POGK: variants seen among roughly 807,000 people sequenced by gnomAD.
The protein encoded by POGK is pogo transposable element derived with KRAB domain, also known as pogo transposable element with KRAB domain.
In POGK, 16 loss-of-function variants were observed where a neutral mutation model predicts 54.4. That is an observed-to-expected ratio of 0.29 (90% CI 0.20 to 0.45). POGK has a LOEUF of 0.45. Among genes scored for constraint, POGK ranks in the 20% least tolerant of loss-of-function variants. The pLI, the probability that POGK is intolerant of heterozygous loss-of-function variation, is 1.00. For synonymous variants in POGK, 271 were observed against 302.2 expected, an observed-to-expected ratio of 0.90 and a Z score of 1.07; for missense variants, 515 against 795.6, an observed-to-expected ratio of 0.65 and a Z score of 4.24.
chr1:166,850,083 C>G lies in POGK; in HGVS notation c.1504C>G (p.Gln502Glu). 1 of 1,613,434 alleles carries G rather than the reference C, an allele frequency of 6.2e-7. No individual in the cohort carries two copies. Among genetic ancestry groups the G allele is most frequent in the Non-Finnish European group, 8.5e-7 (1 of 1,179,692 alleles). Residue 502 changes from glutamine (Q) to glutamate (E), a missense_variant, in exon 5 of 6, where the codon CAG (glutamine) becomes GAG (glutamate). This residue lies in a region of POGK where 461 missense variants were observed against 743.5 expected (regional missense o/e 0.62). Coordinates refer to ENST00000367876, the MANE Select transcript of POGK (RefSeq NM_017542.5). ...MVIIPGGLTS[Q>E]LQVLDVVVYK... ...GATCATCCCAGGGGGTCTGACCTCA[C>G]AGCTTCAGGTGCTGGATGTCGTGGT...
chr1:166,851,659 G>A (rs1329850732), intron 5 of POGK: 2 of 152,024 alleles, frequency 1.3e-5, no homozygotes, highest in African/African-American at 2.4e-5. Context: ...ACAGCAGGGG[G>A]GACACCCACA....
Position 166,841,078 on chromosome 1 carries a change from A to G in POGK, c.122A>G (p.Glu41Gly). 1 of 1,613,856 alleles carries G rather than the reference A, an allele frequency of 6.2e-7. No homozygotes were observed. Among genetic ancestry groups the G allele is most frequent in the Non-Finnish European group, 8.5e-7 (1 of 1,179,954 alleles). Residue 41 changes from glutamate to glycine, a missense_variant, in exon 2 of 6, where the codon GAG becomes GGG. This residue lies in a region of POGK where 54 missense variants were observed against 52.0 expected (regional missense o/e 1.04). Transcript: ENST00000367876. ...ATGCAGAAAGTACGAATCTGCTCTG[A>G]GGGCGGATGGGTAAGTAAGAAGGTG... Reference protein sequence around the residue: ...ADMQKVRICSEGGWVPALFDE... With the variant: ...ADMQKVRICSGGGWVPALFDE...
chr1:166,843,925 G>A (rs1657719934), intron 2 of POGK, among the ~76,000 whole-genome samples: 1 of 152,226 alleles, frequency 6.6e-6, no homozygotes, highest in Non-Finnish European at 1.5e-5. Context: ...TACACAGACT[G>A]CCTGACTTCT....
chr1:166,841,294 G>T (rs565174743), intron 2 of POGK, among the ~76,000 whole-genome samples: 10 of 152,334 alleles, frequency 6.6e-5, no homozygotes, highest in African/African-American at 1.7e-4. Flanking sequence ...CAGCCATGTA[G>T]CTTGTCATCG....
At chr1:166,846,332 G>A (rs930119613) in intron 2 of POGK, among the ~76,000 whole-genome samples, 4 of 152,198 alleles carry the variant, frequency 2.6e-5, no homozygotes, top group African/African-American at 9.7e-5. Flanking sequence ...TCCAACCGGT[G>A]ATCATGGTAG....
In POGK at chr1:166,852,733, A is replaced by T. The variant is rs1361517036; in HGVS notation, c.*163A>T. The T allele has an allele frequency of 1.3e-5, 2 of 152,270 alleles. No homozygotes were observed. Among genetic ancestry groups the T allele is most frequent in the Admixed American group, 6.5e-5 (1 of 15,280 alleles). The allele number at this position is 152,270 out of a possible 1,614,324, so 9.4% of individuals were successfully genotyped here. On this transcript the variant is annotated 3_prime_UTR_variant, in exon 6 of 6. Coordinates refer to ENST00000367876, the MANE Select transcript of POGK (RefSeq NM_017542.5). ...GGTCCAGACAGCAGCCTGTACATCC[A>T]TCCCAGGACACAGCCCAGCCCCTCC...
At chr1:166,846,798 C>T in intron 3 of POGK, 60 bp downstream of exon 3, 2 of 1,594,476 alleles carry the variant, frequency 1.3e-6, no homozygotes, top group Non-Finnish European at 1.7e-6. Flanking sequence ...TGTTTCCATG[C>T]CTCTCTTCTC....
At position 166,855,001 on chromosome 1, in the gene POGK, C is replaced by T. The variant is rs184717688; in HGVS notation, c.*2431C>T. The T allele has an allele frequency of 6.6e-6, 1 of 152,306 alleles. No homozygotes were observed. The highest frequency in any genetic ancestry group is 2.4e-5 in the African/African-American group (1 of 41,556). The allele number at this position is 152,306 out of a possible 1,614,324, so 9.4% of individuals were successfully genotyped here. ...CTCCCAGAGGCATTTTGGAATGAGT[C>T]AAAGGCATGGTAGGACACGGCATTT... On this transcript the variant is annotated 3_prime_UTR_variant, in exon 6 of 6. Coordinates refer to ENST00000367876, the MANE Select transcript of POGK (RefSeq NM_017542.5).
intron 2 of POGK, among the ~76,000 whole-genome samples, chr1:166,846,296 G>A (rs1190597189): frequency 3.3e-5 from 5 of 152,218 alleles, no homozygotes; most frequent in African/African-American, 7.2e-5. Flanking sequence ...TCACCACAGT[G>A]CATGAGGGTG....
In POGK at chr1:166,849,431, G is replaced by A. The variant is rs757086043; in HGVS notation, c.852G>A (p.Ala284=). Residue 284 remains alanine, a synonymous_variant, in exon 5 of 6, where the codon GCG becomes GCA. Coordinates refer to ENST00000367876, the MANE Select transcript of POGK (RefSeq NM_017542.5). ...AAGGGGACCCCATCACCCGGGAGGCGATGCAGCTGAAAGCTCTCGAAATCG... is the reference window on the plus strand; with the variant it reads ...AAGGGGACCCCATCACCCGGGAGGCAATGCAGCTGAAAGCTCTCGAAATCG... ...QAKGDPITRE[A]MQLKALEIAQ... The A allele has an allele frequency of 2.7e-5, 43 of 1,614,220 alleles. No homozygotes were observed. Among genetic ancestry groups the A allele is most frequent in the South Asian group, 8.8e-5 (8 of 91,086 alleles).
chr1:166,849,419 C>A lies in POGK; in HGVS notation c.840C>A (p.Ile280=), dbSNP rs753716451. The part of the protein sequence containing the change: ...VRYMQAKGDP[I]TREAMQLKAL... ...ACATGCAGGCCAAAGGGGACCCCAT[C>A]ACCCGGGAGGCGATGCAGCTGAAAG... The change falls in exon 5 of 6, where the codon ATC becomes ATA. Residue 280 remains isoleucine (I), a synonymous_variant. Transcript: ENST00000367876. The A allele has an allele frequency of 6.2e-7, 1 of 1,614,122 alleles. No individual in the cohort carries two copies. Among genetic ancestry groups the A allele is most frequent in the African/African-American group, 1.3e-5 (1 of 74,958 alleles).
At chr1:166,847,620 C>A in intron 4 of POGK, 28 bp downstream of exon 4, 1 of 1,555,418 alleles carries the variant, frequency 6.4e-7, no homozygotes, top group Non-Finnish European at 8.9e-7. Flanking sequence ...GTTCAGCGTC[C>A]ATCCAGCTGG....
chr1:166,840,873 A>G (rs1202626206), intron 1 of POGK, 82 bp from the exon 2 acceptor site: 1 of 1,558,228 alleles, frequency 6.4e-7, no homozygotes, highest in African/African-American at 1.4e-5. Flanking sequence ...AGAGGTTTGT[A>G]TGTGGCTCAG....
rs1658163403 is a variant in POGK at position 166,853,685 on chromosome 1, A to G, written c.*1115A>G. The G allele has an allele frequency of 7.9e-6, 1 of 127,318 alleles. No homozygotes were observed. The highest frequency in any genetic ancestry group is 7.6e-5 in the Admixed American group (1 of 13,158). The allele number at this position is 127,318 out of a possible 1,614,324, so 7.9% of individuals were successfully genotyped here. A position where few individuals can be genotyped will look rare whatever the true frequency, so the allele number is the denominator to read the frequency against. On this transcript the variant is annotated 3_prime_UTR_variant, in exon 6 of 6. Coordinates refer to ENST00000367876, the MANE Select transcript of POGK (RefSeq NM_017542.5). Reference sequence around the variant, plus strand: ...ATGCCAGGACCTCACAGACAAAGCCATTGCTAGAAATGTCATTCCAATGAT... The same window carrying G: ...ATGCCAGGACCTCACAGACAAAGCCGTTGCTAGAAATGTCATTCCAATGAT...
chr1:166,854,793 C>G lies in POGK; in HGVS notation c.*2223C>G, dbSNP rs1658219957. ...TTTAAATGAAAGTATGATGAACCCGCAAGTCTTAATTATGCACTTTTAATA... is the reference window on the plus strand; with the variant it reads ...TTTAAATGAAAGTATGATGAACCCGGAAGTCTTAATTATGCACTTTTAATA... On this transcript the variant is annotated 3_prime_UTR_variant, in exon 6 of 6. Coordinates refer to ENST00000367876, the MANE Select transcript of POGK (RefSeq NM_017542.5). 6.6e-6 allele frequency: 1 copy of G among 152,196 alleles called. No individual in the cohort carries two copies. The highest frequency in any genetic ancestry group is 6.5e-5 in the Admixed American group (1 of 15,286). 9.4% of individuals were successfully genotyped at this position (152,196 alleles called of 1,614,324 possible). A position where few individuals can be genotyped will look rare whatever the true frequency, so the allele number is the denominator to read the frequency against.
intron 5 of POGK, chr1:166,851,809 T>G (rs1434961514): frequency 6.6e-6 from 1 of 152,268 alleles, no homozygotes; most frequent in Non-Finnish European, 1.5e-5. Context: ...CTTCACACAT[T>G]CTTTTTCTTT....
chr1:166,840,634 A>T (rs1657460855), intron 1 of POGK, among the ~76,000 whole-genome samples: 1 of 152,148 alleles, frequency 6.6e-6, no homozygotes, highest in Admixed American at 6.5e-5. Context: ...TCACTGCTTA[A>T]AACCTTTTCC....
At chr1:166,839,660 C>A (rs1178066980) in intron 1 of POGK, 56 bp downstream of exon 1, 1 of 141,926 alleles carries the variant, frequency 7.0e-6, no homozygotes, top group Non-Finnish European at 1.5e-5. Flanking sequence ...GGGTCCCGGG[C>A]GGCTGGGCCG....
Position 166,849,973 on chromosome 1 carries a change from G to A in POGK, c.1394G>A (p.Arg465Gln), listed in dbSNP as rs776736387. 6 of 1,614,244 alleles carry A rather than the reference G, an allele frequency of 3.7e-6. No individual in the cohort carries two copies. The highest frequency in any genetic ancestry group is 5.1e-6 in the Non-Finnish European group (6 of 1,180,048). Reference sequence around the variant, plus strand: ...AGGACAGGAGCAGTGCCCAAGCAGCGAGGGATGCTGATCTTGAATGGCTTC... The same window carrying A: ...AGGACAGGAGCAGTGCCCAAGCAGCAAGGGATGCTGATCTTGAATGGCTTC... ...RRRTGAVPKQ[R>Q]GMLILNGFRG... is the part of the protein sequence containing the mutation. Residue 465 changes from arginine to glutamine, a missense_variant, in exon 5 of 6, where the codon CGA (arginine) becomes CAA (glutamine). Arg to Gln is a conservative substitution (Grantham distance 43). Around this residue, in one of 2 missense-constraint regions of POGK, gnomAD observed 461 missense variants for 743.5 expected, o/e 0.62. Coordinates refer to ENST00000367876, the MANE Select transcript of POGK (RefSeq NM_017542.5).
Sources: allele counts gnomAD v4.1 joint callset (sites outside exome capture counted in the v4.1 genomes callset), GRCh38; gene constraint gnomAD v4.1.1; regional missense constraint gnomAD v4.1.1; transcripts MANE v1.5; gene names NCBI Gene and HGNC (gene_info 2026-07-23, HGNC 2026-07-21).